TMEM266: variants seen among roughly 807,000 people sequenced by gnomAD.
TMEM266 encodes transmembrane protein 266.
In TMEM266, 33 loss-of-function variants were observed where a neutral mutation model predicts 50.5. The observed-to-expected ratio is 0.65, with a 90% CI of 0.50 to 0.87. TMEM266 has a LOEUF of 0.87. Ranked by LOEUF, TMEM266 falls within the 40% of genes least tolerant of loss-of-function variation. The probability of loss-of-function intolerance (pLI) is 0.00; values close to 1 mark genes in which losing one functional copy is unlikely to be tolerated. For synonymous variants in TMEM266, 310 were observed against 292.3 expected, an observed-to-expected ratio of 1.06 and a Z score of -0.62; for missense variants, 655 against 695.1, an observed-to-expected ratio of 0.94 and a Z score of 0.65.
chr15:76,201,106 G>A (rs2038739605), intron 9 of TMEM266, among the ~76,000 whole-genome samples: 1 of 152,054 alleles, frequency 6.6e-6, no homozygotes, highest in Non-Finnish European at 1.5e-5. Context: ...ACGGGGGAGG[G>A]AGGACAGCCC....
In TMEM266 at chr15:76,139,848, C is replaced by T. The variant is rs941468889; in HGVS notation, c.227+1953C>T. ...GAGCAAAGCAGTGTCCACATGTGCC[C>T]CCTGTGCGTGTTACGGCACCGCGGG... On this transcript the variant is annotated intron_variant, in intron 3 of 10. Transcript: ENST00000388942. The surrounding 1 kb of genome is among the most constrained non-coding windows in gnomAD (Gnocchi z 4.1). Among the ~76,000 whole-genome samples, 1 of 152,200 alleles carries T rather than the reference C, an allele frequency of 6.6e-6. No homozygotes were observed. Among genetic ancestry groups the T allele is most frequent in the African/African-American group, 2.4e-5 (1 of 41,438 alleles).
chr15:76,184,587 G>C (rs1473447515), intron 8 of TMEM266, among the ~76,000 whole-genome samples: 1 of 152,226 alleles, frequency 6.6e-6, no homozygotes, highest in Non-Finnish European at 1.5e-5. Flanking sequence ...TAATAGGATG[G>C]AGCAGAATTA....
intron 1 of TMEM266, among the ~76,000 whole-genome samples, chr15:76,092,946 T>C (rs2036869608): frequency 6.6e-6 from 1 of 150,756 alleles, no homozygotes; most frequent in Admixed American, 6.6e-5. Context: ...TAGCTGGGAT[T>C]ACAGGCGTGC....
chr15:76,127,869 A>T (rs576474161), intron 1 of TMEM266, among the ~76,000 whole-genome samples: 2 of 152,274 alleles, frequency 1.3e-5, no homozygotes, highest in Non-Finnish European at 2.9e-5. Flanking sequence ...GCAGATCAGT[A>T]TCCTCTGGGA....
At chr15:76,071,990 CAA>C (rs1313922532) in intron 1 of TMEM266, among the ~76,000 whole-genome samples, 1 of 151,808 alleles carries the variant, frequency 6.6e-6, no homozygotes. Flanking sequence ...TGAAGTCTGT[CAA>C]AGTTATCATC....
chr15:76,174,886 G>A (rs916313139), intron 7 of TMEM266: 4 of 152,334 alleles, frequency 2.6e-5, no homozygotes, highest in African/African-American at 9.6e-5. Flanking sequence ...GTACTCCACT[G>A]CATGGCTAGA....
intron 1 of TMEM266, among the ~76,000 whole-genome samples, chr15:76,067,326 A>G (rs1213275067): frequency 6.6e-6 from 1 of 152,154 alleles, no homozygotes; most frequent in Non-Finnish European, 1.5e-5. Context: ...TCTAGATGCA[A>G]CAGCACATTC....
intron 8 of TMEM266, among the ~76,000 whole-genome samples, chr15:76,183,103 C>T (rs1300572415): frequency 3.9e-4 from 17 of 44,124 alleles, no homozygotes; most frequent in South Asian, 1.6e-3. Context: ...CATTTTGTGG[C>T]TTTTTTTTTT....
In TMEM266 at chr15:76,171,104, A is replaced by T; in HGVS notation, c.625A>T (p.Ile209Phe). ...CATCAGCCTCATCATCATGCTCCGG[A>T]TCTGGAGGGTGAAGAGGGTCATTGA... is the stretch of plus-strand genomic sequence containing the variant. The change falls in exon 7 of 11, where the codon ATC becomes TTC. Residue 209 changes from isoleucine (I) to phenylalanine (F), a missense_variant. This residue lies in a region of TMEM266 where 101 missense variants were observed against 182.6 expected (regional missense o/e 0.55). Transcript: ENST00000388942. 1 of 1,613,706 alleles carries T rather than the reference A, an allele frequency of 6.2e-7. No individual in the cohort carries two copies. The highest frequency in any genetic ancestry group is 8.5e-7 in the Non-Finnish European group (1 of 1,179,842).
chr15:76,119,391 CAAAAAAA>C (rs57532855), intron 1 of TMEM266, among the ~76,000 whole-genome samples: 1,449 of 109,786 alleles, frequency 0.013, 18 homozygotes, highest in African/African-American at 0.039. Flanking sequence ...GGGTTTATGG[CAAAAAAA>C]AAAAAAAAAA....
chr15:76,106,963 G>A (rs2037090947), intron 1 of TMEM266, among the ~76,000 whole-genome samples: 1 of 152,138 alleles, frequency 6.6e-6, no homozygotes, highest in South Asian at 2.1e-4. Context: ...GCTCTCTTGG[G>A]TATGAGTTGA....
chr15:76,180,864 T>A (rs1225159740), intron 8 of TMEM266: 1 of 152,044 alleles, frequency 6.6e-6, no homozygotes. Flanking sequence ...TCCACCCGCC[T>A]CACCCTCCCA....
chr15:76,109,468 G>A (rs2037134176), intron 1 of TMEM266, among the ~76,000 whole-genome samples: 1 of 152,226 alleles, frequency 6.6e-6, no homozygotes, highest in African/African-American at 2.4e-5. Flanking sequence ...GACTCCGCAT[G>A]CTTGGCAATG....
chr15:76,155,964 C>T (rs2037917761), intron 3 of TMEM266, among the ~76,000 whole-genome samples: 1 of 152,246 alleles, frequency 6.6e-6, no homozygotes, highest in South Asian at 2.1e-4. Flanking sequence ...CCACGCTGCA[C>T]TTGCCACATA....
intron 1 of TMEM266, among the ~76,000 whole-genome samples, chr15:76,109,371 G>A (rs1225122450): frequency 1.3e-5 from 2 of 152,142 alleles, no homozygotes. Context: ...CCAACACCAG[G>A]TTCCTCCCAA....
chr15:76,082,780 C>A (rs1445970606), intron 1 of TMEM266, among the ~76,000 whole-genome samples: 1 of 152,018 alleles, frequency 6.6e-6, no homozygotes, highest in Non-Finnish European at 1.5e-5. Context: ...ACCAGCCTGG[C>A]CAACATGGTG....
At position 76,188,553 on chromosome 15, in the gene TMEM266, A is replaced by C. The variant is rs190667434; in HGVS notation, c.769-3415A>C. 2.0e-4 allele frequency among the ~76,000 whole-genome samples: 30 copies of C among 152,292 alleles called. No homozygotes were observed. The East Asian group carries it at 5.8e-3, about 29-fold the overall frequency. On this transcript the variant is annotated intron_variant, in intron 8 of 10. Transcript: ENST00000388942. ...ACGAGACAGAGGTTTCAGTGAGCCG[A>C]GATGATGCCATTTACTCCAGCCCGG...
chr15:76,178,467 A>C (rs1199524824), intron 8 of TMEM266: 1 of 152,334 alleles, frequency 6.6e-6, no homozygotes, highest in East Asian at 1.9e-4. Context: ...AGACACGGAC[A>C]CAGGGCTGCA....
intron 1 of TMEM266, among the ~76,000 whole-genome samples, chr15:76,071,524 G>A (rs1371312438): frequency 6.6e-6 from 1 of 152,130 alleles, no homozygotes; most frequent in Non-Finnish European, 1.5e-5. Context: ...GGCTCCAAGA[G>A]CACCTCTCCA....
Sources: gnomAD v4.1 joint callset for allele counts (sites outside exome capture counted in the v4.1 genomes callset) on GRCh38, gnomAD v4.1.1 for gene constraint, gnomAD v4.1.1 regional missense constraint, Gnocchi (gnomAD v3.1) non-coding constraint, MANE v1.5 for transcripts, NCBI Gene and HGNC (gene_info 2026-07-23, HGNC 2026-07-21) for gene names.